DCTN5: variants seen among roughly 807,000 people sequenced by gnomAD.
DCTN5 encodes the protein dynactin 4.
Under a neutral mutation model 23.5 loss-of-function variants are expected in DCTN5, and 14 were observed. The ratio of observed to expected loss-of-function variants is 0.60; its 90% CI spans 0.39 to 0.93. The LOEUF (loss-of-function observed/expected upper bound fraction) is 0.93, where lower values mean the gene tolerates loss of function less well. DCTN5 is among the 40% of genes least tolerant of loss of function. DCTN5 has a pLI of 0.00. For synonymous variants in DCTN5, 67 were observed against 79.6 expected, an observed-to-expected ratio of 0.84 and a Z score of 0.84; for missense variants, 156 against 225.9, an observed-to-expected ratio of 0.69 and a Z score of 1.98.
chr16:23,649,559 T>C (rs887355756), intron 2 of DCTN5, among the ~76,000 whole-genome samples: 14 of 152,108 alleles, frequency 9.2e-5, no homozygotes, highest in Non-Finnish European at 1.9e-4. Context: ...TTTTAAGTTA[T>C]AGACCAGGTG....
At chr16:23,654,886 A>G (rs1967672088) in intron 2 of DCTN5, among the ~76,000 whole-genome samples, 1 of 152,196 alleles carries the variant, frequency 6.6e-6, no homozygotes, top group South Asian at 2.1e-4. Flanking sequence ...TTCATTTAAT[A>G]TAGTAACCTC....
At chr16:23,657,199 C>G (rs1257391695) in intron 2 of DCTN5, among the ~76,000 whole-genome samples, 1 of 152,048 alleles carries the variant, frequency 6.6e-6, no homozygotes, top group Admixed American at 6.6e-5. Context: ...TGCCTGCAAT[C>G]GCAGCACTTT....
At chr16:23,663,005 T>C (rs1209282345) in intron 4 of DCTN5, among the ~76,000 whole-genome samples, 1 of 152,242 alleles carries the variant, frequency 6.6e-6, no homozygotes, top group African/African-American at 2.4e-5. Context: ...CCTTGACAAA[T>C]ACTCGATCTC....
chr16:23,652,496 A>G (rs1364206347), intron 2 of DCTN5, among the ~76,000 whole-genome samples: 1 of 152,212 alleles, frequency 6.6e-6, no homozygotes, highest in Non-Finnish European at 1.5e-5. Context: ...AAAACCAATC[A>G]TCTTTATTGA....
rs1476132428 is a variant in DCTN5 at position 23,667,573 on chromosome 16, G to A, written c.*429G>A. On this transcript the variant is annotated 3_prime_UTR_variant, in exon 6 of 6. Transcript: ENST00000300087. ...GCCCATGCTGAGCGCCTCTCACACA[G>A]GTAATGCCCAGCTTTTCTGCTGCTA... 6.2e-6 allele frequency: 1 copy of A among 161,784 alleles called. No homozygotes were observed. The highest frequency in any genetic ancestry group is 2.4e-5 in the African/African-American group (1 of 41,744). The allele number at this position is 161,784 out of a possible 1,614,324, so 10.0% of individuals were successfully genotyped here.
intron 2 of DCTN5, among the ~76,000 whole-genome samples, chr16:23,656,187 A>T (rs1269668343): frequency 6.6e-6 from 1 of 152,214 alleles, no homozygotes; most frequent in Non-Finnish European, 1.5e-5. Context: ...TGATCATGCC[A>T]CTGCACTCCA....
chr16:23,651,121 A>G, intron 2 of DCTN5: 1 of 1,291,798 alleles, frequency 7.7e-7, no homozygotes, highest in Non-Finnish European at 9.8e-7. Context: ...AGAAATAAAT[A>G]ATAAAAATGC....
At chr16:23,658,680 T>A in intron 3 of DCTN5, 55 bp downstream of exon 3, 1 of 1,330,204 alleles carries the variant, frequency 7.5e-7, no homozygotes, top group Non-Finnish European at 1.1e-6. Context: ...CCACTGGTGG[T>A]GTGGTCCATG....
intron 4 of DCTN5, among the ~76,000 whole-genome samples, chr16:23,662,709 G>A (rs1967836525): frequency 6.6e-6 from 1 of 152,212 alleles, no homozygotes; most frequent in South Asian, 2.1e-4. Flanking sequence ...GGGAAAGTTA[G>A]TAAAGTTCAT....
At chr16:23,664,721 G>A (rs1017365360) in intron 4 of DCTN5, among the ~76,000 whole-genome samples, 3 of 152,240 alleles carry the variant, frequency 2.0e-5, no homozygotes, top group Non-Finnish European at 4.4e-5. Flanking sequence ...AGTGGTGACA[G>A]TGGTTAAAGT....
intron 2 of DCTN5, 39 bp downstream of exon 2, chr16:23,643,062 T>C (rs1297042875): frequency 6.4e-7 from 1 of 1,565,108 alleles, no homozygotes; most frequent in East Asian, 2.2e-5. Flanking sequence ...AAACCTTAGC[T>C]TGCGTTCTGC....
intron 5 of DCTN5, chr16:23,666,039 A>G (rs1967900048): frequency 3.6e-6 from 1 of 279,852 alleles, no homozygotes; most frequent in Non-Finnish European, 6.7e-6. Flanking sequence ...GGTGATACTC[A>G]TGTCGGGATG....
intron 5 of DCTN5, chr16:23,665,973 C>G (rs113952463): frequency 1.6e-5 from 8 of 507,554 alleles, no homozygotes; most frequent in African/African-American, 1.3e-4. Flanking sequence ...GGAAACTAAG[C>G]CCAAGCTGTG....
rs769499535 is a variant in DCTN5 at position 23,642,928 on chromosome 16, C to T, written c.49-27C>T. On this transcript the variant is annotated intron_variant, in intron 1 of 5. Coordinates refer to ENST00000300087, the MANE Select transcript of DCTN5 (RefSeq NM_032486.4). Reference sequence around the variant, plus strand: ...TCCAGAAACCTATTAAGTTTGCTTTCCCCGGTTTTCCGTTGTTTTCTTTTA... The same window carrying T: ...TCCAGAAACCTATTAAGTTTGCTTTTCCCGGTTTTCCGTTGTTTTCTTTTA... The T allele has an allele frequency of 1.2e-5, 20 of 1,608,304 alleles. No individual in the cohort carries two copies. In the African/African-American group the frequency reaches 2.4e-4, roughly 19 times the overall value.
intron 2 of DCTN5, among the ~76,000 whole-genome samples, chr16:23,644,614 T>C (rs1167774148): frequency 6.6e-6 from 1 of 151,728 alleles, no homozygotes; most frequent in Non-Finnish European, 1.5e-5. Context: ...TTTTGTATTT[T>C]TAGTAGAGAC....
intron 3 of DCTN5, among the ~76,000 whole-genome samples, chr16:23,660,875 G>A (rs994947771): frequency 2.6e-5 from 4 of 152,206 alleles, no homozygotes; most frequent in African/African-American, 9.6e-5. Context: ...AAGTGGGAAT[G>A]AACAAACGTT....
intron 2 of DCTN5, among the ~76,000 whole-genome samples, chr16:23,651,303 C>A (rs1055080811): frequency 1.3e-4 from 20 of 152,152 alleles, no homozygotes; most frequent in Non-Finnish European, 2.9e-4. Context: ...CTTTTTAACA[C>A]CCCGTTACCT....
chr16:23,673,490 A>G lies in DCTN5; in HGVS notation c.*6346A>G, dbSNP rs968923577. The G allele has an allele frequency of 6.6e-6, 1 of 152,216 alleles. No homozygotes were observed. The highest frequency in any genetic ancestry group is 6.5e-5 in the Admixed American group (1 of 15,278). 9.4% of individuals were successfully genotyped at this position (152,216 alleles called of 1,614,324 possible). ...GGCCTTGAGTGTGTGAATGAAAAAT[A>G]TTTGAACTTGTTTTTACTGGTTGAT... On this transcript the variant is annotated 3_prime_UTR_variant, in exon 6 of 6. Coordinates refer to ENST00000300087, the MANE Select transcript of DCTN5 (RefSeq NM_032486.4).
intron 2 of DCTN5, among the ~76,000 whole-genome samples, chr16:23,647,543 C>T (rs1032016759): frequency 6.7e-6 from 1 of 150,328 alleles, no homozygotes; most frequent in Non-Finnish European, 1.5e-5. Flanking sequence ...GAGTATTGCC[C>T]TGTTGCCCAG....
Sources: allele counts gnomAD v4.1 joint callset (sites outside exome capture counted in the v4.1 genomes callset), GRCh38; gene constraint gnomAD v4.1.1; transcripts MANE v1.5; gene names NCBI Gene and HGNC (gene_info 2026-07-23, HGNC 2026-07-21).